Variants in SLC25A21 observed in about 807,000 individuals in gnomAD.
SLC25A21 encodes the protein mitochondrial 2-oxodicarboxylate carrier.
Under a neutral mutation model 43.8 loss-of-function variants are expected in SLC25A21, and 47 were observed. The ratio of observed to expected loss-of-function variants is 1.07; its 90% CI spans 0.85 to 1.37. SLC25A21 has a LOEUF of 1.37. Ranked by LOEUF, SLC25A21 falls within the 40% of genes most tolerant of loss-of-function variation. SLC25A21 has a pLI of 0.00. For missense variants in SLC25A21, 352 were observed against 350.2 expected, an observed-to-expected ratio of 1.00 and a Z score of -0.04; for synonymous variants, 131 against 121.3, an observed-to-expected ratio of 1.08 and a Z score of -0.52.
chr14:37,124,294 CTTATT>C (rs1227753285), intron 1 of SLC25A21, among the ~76,000 whole-genome samples: 2 of 152,194 alleles, frequency 1.3e-5, no homozygotes, highest in South Asian at 4.2e-4. Flanking sequence ...ATACTTCCTT[CTTATT>C]TTATTTTTCC....
intron 1 of SLC25A21, among the ~76,000 whole-genome samples, chr14:36,918,785 A>G (rs1287436297): frequency 1.3e-5 from 2 of 152,172 alleles, no homozygotes; most frequent in South Asian, 4.1e-4. Context: ...ACCTTTAAAA[A>G]TAACTAATGA....
chr14:36,928,093 A>G (rs1458666636), intron 1 of SLC25A21, among the ~76,000 whole-genome samples: 2 of 152,188 alleles, frequency 1.3e-5, no homozygotes, highest in African/African-American at 4.8e-5. Flanking sequence ...AGTAGAAGTC[A>G]TGCTGACTTC....
chr14:37,019,813 G>A (rs1960945140), intron 1 of SLC25A21, among the ~76,000 whole-genome samples: 1 of 151,706 alleles, frequency 6.6e-6, no homozygotes, highest in South Asian at 2.1e-4. Context: ...AACTAAGGAG[G>A]CTTTGATCAT....
intron 1 of SLC25A21, among the ~76,000 whole-genome samples, chr14:36,945,264 A>C (rs903586749): frequency 1.3e-5 from 2 of 152,210 alleles, no homozygotes; most frequent in African/African-American, 4.8e-5. Flanking sequence ...AAATGGAGGC[A>C]GAAATACAAG....
intron 1 of SLC25A21, among the ~76,000 whole-genome samples, chr14:36,971,222 C>G (rs529370246): frequency 1.3e-4 from 20 of 152,280 alleles, no homozygotes; most frequent in Middle Eastern, 6.8e-3. Flanking sequence ...TAATGAAAAG[C>G]AGCCCCAACA....
chr14:36,918,044 A>C (rs1891878655), intron 1 of SLC25A21, among the ~76,000 whole-genome samples: 1 of 152,168 alleles, frequency 6.6e-6, no homozygotes, highest in South Asian at 2.1e-4. Context: ...CCTTCAAGGC[A>C]CTAGGCCTCA....
At chr14:36,914,903 A>C (rs1204277071) in intron 1 of SLC25A21, among the ~76,000 whole-genome samples, 1 of 152,206 alleles carries the variant, frequency 6.6e-6, no homozygotes, top group Non-Finnish European at 1.5e-5. Context: ...GTTGATTTCA[A>C]ACTGCAAAGA....
chr14:36,767,900 T>A (rs923589104), intron 3 of SLC25A21, among the ~76,000 whole-genome samples: 4 of 152,154 alleles, frequency 2.6e-5, no homozygotes, highest in African/African-American at 9.7e-5. Flanking sequence ...CAAAACAGGC[T>A]TTGGATCTGA....
intron 1 of SLC25A21, among the ~76,000 whole-genome samples, chr14:36,961,412 C>T (rs1320314681): frequency 1.3e-5 from 2 of 152,080 alleles, no homozygotes; most frequent in East Asian, 1.9e-4. Flanking sequence ...GGGATTTCAC[C>T]GCCGTACGTG....
At chr14:37,108,865 C>T (rs376779758) in intron 1 of SLC25A21, among the ~76,000 whole-genome samples, 38 of 151,776 alleles carry the variant, frequency 2.5e-4, no homozygotes, top group African/African-American at 8.2e-4. Context: ...TCTTCTTGTA[C>T]CTTTCCTCAG....
chr14:36,999,647 T>C (rs1220387071), intron 1 of SLC25A21, among the ~76,000 whole-genome samples: 1 of 152,162 alleles, frequency 6.6e-6, no homozygotes, highest in Admixed American at 6.6e-5. Context: ...GTACCTTCTC[T>C]TGAATTTTGC....
intron 2 of SLC25A21, among the ~76,000 whole-genome samples, chr14:36,815,527 C>T (rs1196021379): frequency 3.3e-5 from 5 of 152,006 alleles, no homozygotes; most frequent in African/African-American, 7.3e-5. Context: ...TCAGGCTACC[C>T]GGATCTTCAC....
intron 1 of SLC25A21, among the ~76,000 whole-genome samples, chr14:37,090,655 A>C (rs1566873815): frequency 6.6e-6 from 1 of 152,226 alleles, no homozygotes; most frequent in Non-Finnish European, 1.5e-5. Context: ...AGCTTTCCAA[A>C]GATTAGGTAT....
intron 6 of SLC25A21, among the ~76,000 whole-genome samples, chr14:36,715,912 G>A (rs1884110897): frequency 6.6e-6 from 1 of 152,094 alleles, no homozygotes; most frequent in Non-Finnish European, 1.5e-5. Context: ...CCAATGTGGT[G>A]AAACCCTGTC....
At chr14:36,935,179 C>T (rs1002374215) in intron 1 of SLC25A21, among the ~76,000 whole-genome samples, 1 of 152,160 alleles carries the variant, frequency 6.6e-6, no homozygotes, top group Non-Finnish European at 1.5e-5. Flanking sequence ...TAACTGCCCA[C>T]ACACTATCCA....
intron 1 of SLC25A21, among the ~76,000 whole-genome samples, chr14:37,047,628 T>C (rs1961614957): frequency 2.0e-5 from 3 of 152,200 alleles, no homozygotes. Flanking sequence ...ACAAGAACTA[T>C]TAAATCAGTC....
rs534246024 is a variant in SLC25A21, at chr14:37,049,045, A to C, written c.70+123236T>G. 2.6e-5 allele frequency among the ~76,000 whole-genome samples: 4 copies of C among 152,312 alleles called. No individual in the cohort carries two copies. In the East Asian group the frequency reaches 5.8e-4, roughly 22 times the overall value. The stretch of plus-strand genomic sequence containing the variant: ...TCCCACCCAAAACCTTGTGAATCAG[A>C]AGCTACAGGAGGTAAGGTAATCTTG... On this transcript the variant is annotated intron_variant, in intron 1 of 9. Coordinates refer to ENST00000331299, the MANE Select transcript of SLC25A21 (RefSeq NM_030631.4).
chr14:37,127,692 A>T (rs1269738243), intron 1 of SLC25A21, among the ~76,000 whole-genome samples: 1 of 152,204 alleles, frequency 6.6e-6, no homozygotes, highest in African/African-American at 2.4e-5. Flanking sequence ...CCAGGTCTCT[A>T]ACTGACTGCT....
At chr14:36,755,298 T>C (rs533509989) in intron 3 of SLC25A21, among the ~76,000 whole-genome samples, 2 of 152,352 alleles carry the variant, frequency 1.3e-5, no homozygotes, top group Admixed American at 1.3e-4. Context: ...AATTCAGTTA[T>C]CACTCACCAT....
Sources: gnomAD v4.1 joint callset for allele counts (sites outside exome capture counted in the v4.1 genomes callset) on GRCh38, gnomAD v4.1.1 for gene constraint, MANE v1.5 for transcripts, NCBI Gene and HGNC (gene_info 2026-07-23, HGNC 2026-07-21) for gene names.